The following SDHA variants were observed in gnomAD, a reference collection of about 807,000 sequenced individuals.
The protein encoded by SDHA is succinate dehydrogenase complex flavoprotein subunit A.
A neutral mutation model predicts 78.4 loss-of-function variants in SDHA; 48 were observed. The observed-to-expected ratio is 0.61, with a 90% CI of 0.49 to 0.78. The LOEUF is 0.78. Among genes scored for constraint, SDHA ranks in the 30% least tolerant of loss-of-function variants. The pLI is 0.00. For missense variants in SDHA, 680 were observed against 892.7 expected (o/e 0.76, Z 3.04); for synonymous variants, 326 against 353.9 (o/e 0.92, Z 0.88).
intron 11 of SDHA, among the ~76,000 whole-genome samples, chr5:243,247 A>G (rs1410098865): frequency 1.3e-5 from 2 of 152,318 alleles, no homozygotes; most frequent in East Asian, 1.9e-4. Context: ...TAAACACGCT[A>G]TCAATCAGTA....
At chr5:222,916 A>G (rs1734798601) in intron 1 of SDHA, among the ~76,000 whole-genome samples, 1 of 152,180 alleles carries the variant, frequency 6.6e-6, no homozygotes, top group East Asian at 1.9e-4. Flanking sequence ...TGTGCATCCG[A>G]CATCCTCCTG....
chr5:257,640 A>G (rs1339791489), downstream of SDHA, among the ~76,000 whole-genome samples: 5 of 79,862 alleles, frequency 6.3e-5, no homozygotes, highest in African/African-American at 3.0e-4. Context: ...GGTGAGCTCC[A>G]CCCCCTGCCA....
In SDHA at chr5:254,484, A is replaced by G. The variant is rs6960; in HGVS notation, c.1886A>G (p.Tyr629Cys). 1.0e-5 allele frequency: 16 copies of G among 1,574,160 alleles called. No homozygotes were observed. The highest frequency in any genetic ancestry group is 2.3e-5 in the South Asian group (2 of 86,094). The change falls in exon 14 of 15, where the codon TAT becomes TGT. Residue 629 changes from tyrosine to cysteine, a missense_variant. Tyr to Cys is a radical substitution (Grantham distance 194, BLOSUM62 -2). Coordinates refer to ENST00000264932, the MANE Select transcript of SDHA (RefSeq NM_004168.4). ...CACTGGAGGAAGCACACCCTGTCCTATGTGGACGTTGGCACTGGGAAGGTC... is the reference window on the plus strand; with the variant it reads ...CACTGGAGGAAGCACACCCTGTCCTGTGTGGACGTTGGCACTGGGAAGGTC... ...EEHWRKHTLSYVDVGTGKVTL... is the reference protein window; with the variant it reads ...EEHWRKHTLSCVDVGTGKVTL...
chr5:236,482 G>C lies in SDHA; in HGVS notation c.1315G>C (p.Gly439Arg), dbSNP rs1579409601. 6.2e-7 allele frequency: 1 copy of C among 1,613,904 alleles called. No homozygotes were observed. The highest frequency in any genetic ancestry group is 8.5e-7 in the Non-Finnish European group (1 of 1,179,770). ...DQIVPGLYAC[G>R]EAACASVHGA... ...GATTGTGCCCGGCCTGTACGCCTGT[G>C]GGGAGGCCGCCTGTGCCTCGGTACA... Residue 439 changes from glycine (G) to arginine (R), a missense_variant, in exon 10 of 15, where the codon GGG (glycine) becomes CGG (arginine). Coordinates refer to ENST00000264932, the MANE Select transcript of SDHA (RefSeq NM_004168.4).
chr5:219,297 T>C (rs1376556220), intron 1 of SDHA, among the ~76,000 whole-genome samples: 2 of 152,200 alleles, frequency 1.3e-5, no homozygotes, highest in Non-Finnish European at 2.9e-5. Flanking sequence ...GAATGTGCCC[T>C]CTACGATTGC....
At chr5:235,037 C>G in intron 8 of SDHA, 107 bp from the exon 9 acceptor site, 2 of 1,140,534 alleles carry the variant, frequency 1.8e-6, no homozygotes, top group Non-Finnish European at 2.7e-6. Flanking sequence ...GGAAATTTTC[C>G]TCAGTATCAA....
intron 11 of SDHA, among the ~76,000 whole-genome samples, chr5:241,275 C>A (rs549619852): frequency 1.3e-5 from 2 of 152,208 alleles, no homozygotes; most frequent in African/African-American, 4.8e-5. Context: ...AAGCTCAGTC[C>A]CCAGCAGGGC....
chr5:235,316 A>C lies in SDHA; in HGVS notation c.1237A>C (p.Ile413Leu). 3 of 1,614,192 alleles carry C rather than the reference A, an allele frequency of 1.9e-6. No homozygotes were observed. Among genetic ancestry groups the C allele is most frequent in the Non-Finnish European group, 2.5e-6 (3 of 1,180,024 alleles). The stretch of plus-strand genomic sequence containing the variant: ...CACCGTGCATTATAACATGGGCGGC[A>C]TTCCCACCAACTACAAGGGGCAGGT... The part of the protein sequence containing the change: ...LPTVHYNMGG[I>L]PTNYKGQVLR... The change falls in exon 9 of 15, where the codon ATT becomes CTT. Residue 413 changes from isoleucine (I) to leucine (L), a missense_variant. By Grantham distance (5) the Ile-to-Leu change is conservative (BLOSUM62 2). Coordinates refer to ENST00000264932, the MANE Select transcript of SDHA (RefSeq NM_004168.4).
At chr5:254,287 A>G in intron 13 of SDHA, 106 bp from the exon 14 acceptor site, 1 of 1,088,278 alleles carries the variant, frequency 9.2e-7, no homozygotes, top group Non-Finnish European at 1.3e-6. Context: ...TGGAAATGGA[A>G]TGAGTTCTAG....
At position 256,619 on chromosome 5, in the gene SDHA, T is replaced by A. The variant is rs1346780571; in HGVS notation, c.*199T>A. 1 of 601,036 alleles carries A rather than the reference T, an allele frequency of 1.7e-6. No homozygotes were observed. Among genetic ancestry groups the A allele is most frequent in the Non-Finnish European group, 3.0e-6 (1 of 333,456 alleles). The allele number at this position is 601,036 out of a possible 1,614,324, so 37.2% of individuals were successfully genotyped here. A position where few individuals can be genotyped will look rare whatever the true frequency, so the allele number is the denominator to read the frequency against. On this transcript the variant is annotated 3_prime_UTR_variant, in exon 15 of 15. Transcript: ENST00000264932. The stretch of plus-strand genomic sequence containing the variant: ...GGAGCGTGGCACTTACCTTTGTCCC[T>A]TGCTTCATTCTTGTGAGATGATAAA...
intron 6 of SDHA, among the ~76,000 whole-genome samples, chr5:230,135 G>A (rs1328004786): frequency 6.6e-6 from 1 of 152,040 alleles, no homozygotes. Flanking sequence ...TGATAGATGT[G>A]TATTAACTTG....
At chr5:251,576 A>G in intron 13 of SDHA, 108 bp downstream of exon 13, 1 of 1,565,334 alleles carries the variant, frequency 6.4e-7, no homozygotes, top group Non-Finnish European at 8.6e-7. Context: ...CCCCAAAAGT[A>G]AATCCAAAAA....
chr5:262,156 CCGTCAGAGCATTA>C, the SDHA span, among the ~76,000 whole-genome samples: 1 of 105,448 alleles, frequency 9.5e-6, no homozygotes, highest in Non-Finnish European at 1.8e-5. Context: ...GCTCCGCCTC[CCGTCAGAGCATTA>C]CCGTGTGAGC....
At chr5:231,553 C>T (rs568316534) in intron 7 of SDHA, among the ~76,000 whole-genome samples, 13,581 of 137,962 alleles carry the variant, frequency 0.098, 888 homozygotes, top group Non-Finnish European at 0.13. Context: ...GAGTAAGACT[C>T]CGTCTCAAAA....
At chr5:266,536 G>A in the SDHA span, among the ~76,000 whole-genome samples, 6 of 152,196 alleles carry the variant, frequency 3.9e-5, no homozygotes, top group Admixed American at 3.3e-4. Flanking sequence ...GTCATGGAAC[G>A]ATGTTTCATA....
At chr5:253,938 G>A (rs13153342) in intron 13 of SDHA, among the ~76,000 whole-genome samples, 2 of 152,082 alleles carry the variant, frequency 1.3e-5, no homozygotes, top group Non-Finnish European at 1.5e-5. Context: ...TAGCACAGGA[G>A]GCTGAGGCAG....
intron 7 of SDHA, among the ~76,000 whole-genome samples, chr5:232,395 G>C (rs539448740): frequency 6.6e-6 from 1 of 151,912 alleles, no homozygotes; most frequent in African/African-American, 2.4e-5. Flanking sequence ...GGGTTTTTTC[G>C]TTTTTGGTAG....
chr5:253,423 T>C (rs1249325797), intron 13 of SDHA, among the ~76,000 whole-genome samples: 1 of 152,166 alleles, frequency 6.6e-6, no homozygotes, highest in Non-Finnish European at 1.5e-5. Context: ...GAATACAGAA[T>C]AATAGTAAAT....
At chr5:256,185 A>G (rs915353505) in intron 14 of SDHA, 149 bp from the exon 15 acceptor site, 23 of 720,872 alleles carry the variant, frequency 3.2e-5, no homozygotes, top group Middle Eastern at 5.0e-4. Flanking sequence ...CCCACTTTAC[A>G]TGATGGGAGC....
Sources: allele counts gnomAD v4.1 joint callset (sites outside exome capture counted in the v4.1 genomes callset), GRCh38; gene constraint gnomAD v4.1.1; transcripts MANE v1.5; gene names NCBI Gene and HGNC (gene_info 2026-07-23, HGNC 2026-07-21).